SNX30: variants seen among roughly 807,000 people sequenced by gnomAD.
SNX30 encodes sorting nexin-30.
Under a neutral mutation model 46.4 loss-of-function variants are expected in SNX30, and 24 were observed. The observed-to-expected ratio is 0.52, with a 90% CI of 0.37 to 0.73. The LOEUF (loss-of-function observed/expected upper bound fraction) is 0.73. Among genes scored for constraint, SNX30 ranks in the 30% least tolerant of loss-of-function variants. The pLI is 0.00. For missense variants in SNX30, 533 were observed against 555.7 expected (o/e 0.96, Z 0.41); for synonymous variants, 189 against 211.5 (o/e 0.89, Z 0.92).
intron 4 of SNX30, among the ~76,000 whole-genome samples, chr9:112,831,362 GA>G (rs962682373): frequency 3.9e-5 from 6 of 152,124 alleles, no homozygotes; most frequent in Non-Finnish European, 8.8e-5. Flanking sequence ...AGCAGCAGAG[GA>G]AGTTAGAATA....
At chr9:112,849,056 A>G (rs974283672) in intron 6 of SNX30, among the ~76,000 whole-genome samples, 4 of 152,114 alleles carry the variant, frequency 2.6e-5, no homozygotes, top group African/African-American at 9.7e-5. Flanking sequence ...TAGTCTGGAT[A>G]TGTGGTTTTT....
intron 3 of SNX30, among the ~76,000 whole-genome samples, chr9:112,821,274 G>C (rs1564280606): frequency 6.6e-6 from 1 of 152,194 alleles, no homozygotes; most frequent in South Asian, 2.1e-4. Context: ...ATGATGTTGA[G>C]CATCTTTTCA....
intron 4 of SNX30, among the ~76,000 whole-genome samples, chr9:112,833,952 A>T (rs1840709799): frequency 6.6e-6 from 1 of 152,176 alleles, no homozygotes; most frequent in Admixed American, 6.5e-5. Flanking sequence ...TGTTTTTAAG[A>T]TGGGTCAGCC....
intron 2 of SNX30, among the ~76,000 whole-genome samples, chr9:112,815,638 G>A (rs1023034250): frequency 1.3e-5 from 2 of 152,212 alleles, no homozygotes; most frequent in Non-Finnish European, 2.9e-5. Context: ...TGGGATTACA[G>A]GTGTGAGCCA....
At chr9:112,815,422 G>A (rs56897123) in intron 2 of SNX30, among the ~76,000 whole-genome samples, 21,314 of 150,624 alleles carry the variant, frequency 0.14, 1,876 homozygotes, top group Admixed American at 0.22. Context: ...GTGCAGTGGT[G>A]CAGTCTTGAC....
chr9:112,833,896 C>A (rs1840708836), intron 4 of SNX30, among the ~76,000 whole-genome samples: 1 of 152,140 alleles, frequency 6.6e-6, no homozygotes, highest in Non-Finnish European at 1.5e-5. Flanking sequence ...CAGCCTGACT[C>A]TGAAGGAAAC....
intron 1 of SNX30, among the ~76,000 whole-genome samples, chr9:112,754,543 T>C (rs1839320782): frequency 6.6e-6 from 1 of 151,618 alleles, no homozygotes; most frequent in Non-Finnish European, 1.5e-5. Context: ...GTAGCTGAGA[T>C]TACAGGTGAC....
At chr9:112,762,945 ATTGGTTGACGGCTGC>A (rs1285395336) in intron 1 of SNX30, among the ~76,000 whole-genome samples, 4 of 152,276 alleles carry the variant, frequency 2.6e-5, no homozygotes, top group African/African-American at 9.6e-5. Flanking sequence ...CTCTTTACTC[ATTGGTTGACGGCTGC>A]TTGGGTGGGG....
At chr9:112,808,159 G>A (rs1443735708) in intron 2 of SNX30, among the ~76,000 whole-genome samples, 3 of 152,202 alleles carry the variant, frequency 2.0e-5, no homozygotes, top group Admixed American at 6.5e-5. Flanking sequence ...ACAAACAAGA[G>A]GAACACGGGA....
At chr9:112,832,916 T>C (rs1840692212) in intron 4 of SNX30, among the ~76,000 whole-genome samples, 2 of 149,652 alleles carry the variant, frequency 1.3e-5, no homozygotes, top group African/African-American at 4.9e-5. Flanking sequence ...TTAATCAAAA[T>C]CCGACTCCAT....
intron 4 of SNX30, 116 bp from the exon 5 acceptor site, chr9:112,836,084 GCCTCTAACTCAGCT>G: frequency 1.2e-6 from 1 of 848,142 alleles, no homozygotes. Context: ...TGTGATTAGA[GCCTCTAACTCAGCT>G]CCTTGTTTCC....
intron 4 of SNX30, among the ~76,000 whole-genome samples, chr9:112,833,894 C>T (rs115553663): frequency 0.038 from 5,839 of 152,204 alleles, 391 homozygotes; most frequent in African/African-American, 0.13. Context: ...GGCAGCCTGA[C>T]TCTGAAGGAA....
intron 2 of SNX30, among the ~76,000 whole-genome samples, chr9:112,810,641 G>A (rs942895730): frequency 1.3e-5 from 2 of 152,132 alleles, no homozygotes; most frequent in African/African-American, 4.8e-5. Context: ...GGGAGAGGCT[G>A]TGGAATGGAA....
chr9:112,872,138 T>C lies in SNX30; in HGVS notation c.*3295T>C, dbSNP rs1841456046. ...AGCCCCACCCAGAGTGTGCTCTAGA[T>C]GTTGTTGATTTGAATGGTTTTCCCA... is the stretch of plus-strand genomic sequence containing the variant. On this transcript the variant is annotated 3_prime_UTR_variant, in exon 9 of 9. Transcript: ENST00000374232. 1 of 152,142 alleles carries C rather than the reference T, an allele frequency of 6.6e-6. No individual in the cohort carries two copies. The highest frequency in any genetic ancestry group is 6.5e-5 in the Admixed American group (1 of 15,276). 9.4% of individuals were successfully genotyped at this position (152,142 alleles called of 1,614,324 possible).
At chr9:112,861,220 G>A (rs1841223407) in intron 7 of SNX30, among the ~76,000 whole-genome samples, 1 of 152,158 alleles carries the variant, frequency 6.6e-6, no homozygotes. Context: ...GTGATAGCTG[G>A]GTGCAGGAAG....
chr9:112,834,843 A>AACACACACAC (rs79118828), intron 4 of SNX30, among the ~76,000 whole-genome samples: 830 of 78,374 alleles, frequency 0.011, 7 homozygotes, highest in Middle Eastern at 0.026. Flanking sequence ...CACACACACA[A>AACACACACAC]ACACACACAC....
At chr9:112,867,860 C>T (rs1384400363) in intron 8 of SNX30, among the ~76,000 whole-genome samples, 2 of 151,856 alleles carry the variant, frequency 1.3e-5, no homozygotes, top group African/African-American at 4.8e-5. Flanking sequence ...AGTACAAAGT[C>T]CTCCTCCACC....
chr9:112,824,253 T>C (rs1840547301), intron 3 of SNX30, among the ~76,000 whole-genome samples: 1 of 152,220 alleles, frequency 6.6e-6, no homozygotes, highest in Admixed American at 6.5e-5. Flanking sequence ...TTTACTAAAG[T>C]ACTAAGTACT....
At chr9:112,850,774 G>A (rs1012396962) in intron 6 of SNX30, 85 bp from the exon 7 acceptor site, 22 of 989,958 alleles carry the variant, frequency 2.2e-5, no homozygotes, top group Admixed American at 1.6e-4. Context: ...TTGGGGAGGC[G>A]TGGGGGAAAA....
Sources: gnomAD v4.1 joint callset for allele counts (sites outside exome capture counted in the v4.1 genomes callset) on GRCh38, gnomAD v4.1.1 for gene constraint, MANE v1.5 for transcripts, NCBI Gene and HGNC (gene_info 2026-07-23, HGNC 2026-07-21) for gene names.